The following FRMD6 variants were observed in gnomAD, a reference collection of about 807,000 sequenced individuals.
The protein encoded by FRMD6 is FERM domain-containing protein 6.
FRMD6 carries 37 observed loss-of-function variants against 73.2 expected under a neutral mutation model. That is an observed-to-expected ratio of 0.51 (90% CI 0.39 to 0.66). FRMD6 has a LOEUF of 0.66. FRMD6 is among the 30% of genes least tolerant of loss of function. FRMD6 has a pLI of 0.00. For synonymous variants in FRMD6, 273 were observed against 282.2 expected (o/e 0.97, Z 0.33); for missense variants, 714 against 780.5 (o/e 0.91, Z 1.02).
the FRMD6 span, among the ~76,000 whole-genome samples, chr14:51,482,435 G>A: frequency 7.7e-4 from 118 of 152,316 alleles, no homozygotes; most frequent in African/African-American, 2.8e-3. Context: ...AACCTGCAGT[G>A]GAGGAGTCTG....
intron 2 of FRMD6, among the ~76,000 whole-genome samples, chr14:51,632,641 G>A (rs1422304858): frequency 6.6e-6 from 1 of 152,116 alleles, no homozygotes; most frequent in Admixed American, 6.6e-5. Context: ...CACCCATCCT[G>A]TCTTTCTAAG....
Position 51,728,047 on chromosome 14 carries a change from C to T in FRMD6, c.*18C>T. ...TTGTGTAAAGTCCGTCTGTGTGCAGCTGTACAGGCAGCTTACTGTTTGCTA... is the reference window on the plus strand; with the variant it reads ...TTGTGTAAAGTCCGTCTGTGTGCAGTTGTACAGGCAGCTTACTGTTTGCTA... On this transcript the variant is annotated 3_prime_UTR_variant, in exon 14 of 14. Transcript: ENST00000344768. 1 of 1,592,800 alleles carries T rather than the reference C, an allele frequency of 6.3e-7. No individual in the cohort carries two copies. Among genetic ancestry groups the T allele is most frequent in the Non-Finnish European group, 8.6e-7 (1 of 1,164,930 alleles).
chr14:51,468,561 A>G, the FRMD6 span, among the ~76,000 whole-genome samples: 1 of 152,008 alleles, frequency 6.6e-6, no homozygotes, highest in African/African-American at 2.4e-5. Context: ...TTCTTTCATA[A>G]TTTTCCTTTT....
At chr14:51,674,623 A>G (rs1344945849) in intron 1 of FRMD6, among the ~76,000 whole-genome samples, 1 of 151,854 alleles carries the variant, frequency 6.6e-6, no homozygotes, top group East Asian at 1.9e-4. Flanking sequence ...TTTAACTTCA[A>G]CCTTCAAGGT....
the FRMD6 span, among the ~76,000 whole-genome samples, chr14:51,475,869 A>T: frequency 1.2e-4 from 18 of 152,248 alleles, no homozygotes; most frequent in East Asian, 3.5e-3. Context: ...GTCCACAGAG[A>T]ATGTCTACTA....
At chr14:51,715,778 A>G (rs1212023534) in intron 10 of FRMD6, among the ~76,000 whole-genome samples, 1 of 152,174 alleles carries the variant, frequency 6.6e-6, no homozygotes, top group African/African-American at 2.4e-5. Context: ...ACTTGAAAAT[A>G]CTTGCAAAAA....
the FRMD6 span, among the ~76,000 whole-genome samples, chr14:51,447,343 C>A: frequency 6.6e-6 from 1 of 152,136 alleles, no homozygotes; most frequent in Non-Finnish European, 1.5e-5. Context: ...AGCCTTGAAG[C>A]TCCCATTTAG....
chr14:51,603,735 C>A (rs917048443), intron 2 of FRMD6, among the ~76,000 whole-genome samples: 3 of 152,126 alleles, frequency 2.0e-5, no homozygotes, highest in African/African-American at 7.2e-5. Flanking sequence ...CTTGCTATCT[C>A]TGAACCTCAG....
chr14:51,438,583 A>G, the FRMD6 span, among the ~76,000 whole-genome samples: 429 of 152,312 alleles, frequency 2.8e-3, 3 homozygotes, highest in African/African-American at 9.3e-3. Flanking sequence ...CCTCAGGGCT[A>G]TGTGGATTTA....
chr14:51,478,165 G>A, the FRMD6 span, among the ~76,000 whole-genome samples: 6 of 152,188 alleles, frequency 3.9e-5, no homozygotes, highest in African/African-American at 1.4e-4. Flanking sequence ...TGCTTTTCAA[G>A]CCAGCATGTC....
At chr14:51,409,873 G>GCCA in the FRMD6 span, among the ~76,000 whole-genome samples, 584 of 152,296 alleles carry the variant, frequency 3.8e-3, 7 homozygotes, top group Non-Finnish European at 3.7e-3. Flanking sequence ...ACAGGTGTGA[G>GCCA]CCACCACGCC....
At chr14:51,659,936 A>G (rs1193461038) in intron 1 of FRMD6, among the ~76,000 whole-genome samples, 2 of 152,236 alleles carry the variant, frequency 1.3e-5, no homozygotes, top group African/African-American at 2.4e-5. Flanking sequence ...TAAGAAAGAC[A>G]CAGTTAAACA....
intron 1 of FRMD6, among the ~76,000 whole-genome samples, chr14:51,538,748 T>C (rs1886046193): frequency 6.6e-6 from 1 of 152,222 alleles, no homozygotes; most frequent in Admixed American, 6.5e-5. Context: ...GCTACCCCAT[T>C]GATCTGCGTG....
At chr14:51,625,351 T>A (rs1891076148) in intron 2 of FRMD6, among the ~76,000 whole-genome samples, 3 of 152,336 alleles carry the variant, frequency 2.0e-5, no homozygotes, top group African/African-American at 7.2e-5. Context: ...TTTCTACTGT[T>A]GCATTTTCAG....
the FRMD6 span, among the ~76,000 whole-genome samples, chr14:51,415,417 G>T: frequency 8.5e-5 from 13 of 152,162 alleles, no homozygotes; most frequent in Non-Finnish European, 1.3e-4. Flanking sequence ...GATAATTGTG[G>T]TTTTTGTCGC....
At chr14:51,679,160 G>A (rs1322276870) in intron 1 of FRMD6, among the ~76,000 whole-genome samples, 2 of 152,056 alleles carry the variant, frequency 1.3e-5, no homozygotes, top group African/African-American at 4.8e-5. Flanking sequence ...TGGCTTTAAG[G>A]AATGAGACAA....
intron 2 of FRMD6, among the ~76,000 whole-genome samples, chr14:51,594,948 G>A (rs1199684194): frequency 1.3e-5 from 2 of 152,212 alleles, no homozygotes; most frequent in Non-Finnish European, 2.9e-5. Flanking sequence ...GGTGCCTTCA[G>A]GAAAATTATC....
chr14:51,691,244 A>G (rs1895541783), intron 2 of FRMD6, among the ~76,000 whole-genome samples: 3 of 152,220 alleles, frequency 2.0e-5, no homozygotes, highest in Non-Finnish European at 1.5e-5. Flanking sequence ...CACCCAATCT[A>G]TTCATCTACT....
At chr14:51,672,229 C>A (rs1340153846) in intron 1 of FRMD6, among the ~76,000 whole-genome samples, 1 of 152,110 alleles carries the variant, frequency 6.6e-6, no homozygotes, top group Admixed American at 6.5e-5. Flanking sequence ...GTCTGGAGAG[C>A]CAAAGAATTG....
Sources: gnomAD v4.1 joint callset for allele counts (sites outside exome capture counted in the v4.1 genomes callset) on GRCh38, gnomAD v4.1.1 for gene constraint, MANE v1.5 for transcripts, NCBI Gene and HGNC (gene_info 2026-07-23, HGNC 2026-07-21) for gene names.